LGSN: variants seen among roughly 807,000 people sequenced by gnomAD.
The protein encoded by LGSN is lengsin.
Under a neutral mutation model 19.5 loss-of-function variants are expected in LGSN, and 21 were observed. The ratio of observed to expected loss-of-function variants is 1.07; its 90% confidence interval spans 0.76 to 1.55. LGSN has a LOEUF of 1.55. Among genes scored for constraint, LGSN ranks in the 40% most tolerant of loss-of-function variants. The pLI is 0.00. For synonymous variants in LGSN, 257 were observed against 215.6 expected (o/e 1.19, Z -1.68); for missense variants, 673 against 608.5 (o/e 1.11, Z -1.12).
At chr6:63,566,270 G>C in the LGSN span, among the ~76,000 whole-genome samples, 1 of 152,234 alleles carries the variant, frequency 6.6e-6, no homozygotes, top group African/African-American at 2.4e-5. Flanking sequence ...GGAACTTGCA[G>C]GGTGTTGCAA....
the LGSN span, among the ~76,000 whole-genome samples, chr6:63,404,956 G>A: frequency 0.013 from 846 of 66,752 alleles, 13 homozygotes; most frequent in African/African-American, 0.05. Context: ...CCCTCCCCCC[G>A]CCCCCCACCC....
chr6:63,486,573 T>C, the LGSN span, among the ~76,000 whole-genome samples: 4 of 152,302 alleles, frequency 2.6e-5, no homozygotes, highest in South Asian at 8.3e-4. Context: ...CCCAGGCAGA[T>C]GCTGCACACA....
chr6:63,411,589 G>A, the LGSN span, among the ~76,000 whole-genome samples: 4 of 152,100 alleles, frequency 2.6e-5, no homozygotes, highest in Non-Finnish European at 5.9e-5. Context: ...CCTGTAATCC[G>A]AGTACTTTGG....
the LGSN span, among the ~76,000 whole-genome samples, chr6:63,463,688 C>G: frequency 1.4e-4 from 21 of 152,268 alleles, no homozygotes; most frequent in East Asian, 4.0e-3. Flanking sequence ...ACAGGTCATG[C>G]TTGTAGGTAC....
At chr6:63,548,484 G>T in the LGSN span, among the ~76,000 whole-genome samples, 1 of 152,152 alleles carries the variant, frequency 6.6e-6, no homozygotes, top group Non-Finnish European at 1.5e-5. Flanking sequence ...CAGTTTTCTT[G>T]TTTGTCTCCA....
At chr6:63,460,013 A>G in the LGSN span, among the ~76,000 whole-genome samples, 2 of 150,886 alleles carry the variant, frequency 1.3e-5, no homozygotes, top group Admixed American at 6.6e-5. Context: ...TCATTGTGCA[A>G]CAAACTTTGC....
chr6:63,417,181 A>G, the LGSN span, among the ~76,000 whole-genome samples: 1 of 152,134 alleles, frequency 6.6e-6, no homozygotes, highest in African/African-American at 2.4e-5. Context: ...TCTGTTTCCC[A>G]TTCCTATGAG....
chr6:63,313,665 A>G (rs1312686795), intron 1 of LGSN, among the ~76,000 whole-genome samples: 2 of 151,776 alleles, frequency 1.3e-5, no homozygotes, highest in African/African-American at 4.8e-5. Context: ...CAAGACCCCC[A>G]TCTCTACTAA....
At chr6:63,565,493 A>T in the LGSN span, among the ~76,000 whole-genome samples, 1 of 152,326 alleles carries the variant, frequency 6.6e-6, no homozygotes. Context: ...TTTACAGAGA[A>T]AATATTACCT....
chr6:63,309,159 G>A (rs1768524882), intron 1 of LGSN, among the ~76,000 whole-genome samples: 1 of 152,154 alleles, frequency 6.6e-6, no homozygotes, highest in African/African-American at 2.4e-5. Context: ...CTGGCCGGGC[G>A]CGGTGGCTCA....
chr6:63,535,111 TAGGTA>T, the LGSN span, among the ~76,000 whole-genome samples: 1 of 151,992 alleles, frequency 6.6e-6, no homozygotes, highest in East Asian at 1.9e-4. Context: ...AACAGTATTT[TAGGTA>T]ATAAAATACA....
the LGSN span, chr6:63,549,440 C>T: frequency 2.6e-6 from 2 of 771,454 alleles, no homozygotes; most frequent in Non-Finnish European, 4.6e-6. Flanking sequence ...ACTTTCTTAA[C>T]CTCCTGCTTC....
At chr6:63,524,018 G>C in the LGSN span, among the ~76,000 whole-genome samples, 1 of 151,490 alleles carries the variant, frequency 6.6e-6, no homozygotes, top group African/African-American at 2.4e-5. Flanking sequence ...GTCTTGCTCT[G>C]TCGCCCAGGC....
chr6:63,323,392 A>G (rs1769133776), upstream of LGSN, among the ~76,000 whole-genome samples: 1 of 151,708 alleles, frequency 6.6e-6, no homozygotes, highest in South Asian at 2.1e-4. Context: ...CACTCATCCC[A>G]CTCCACCCTT....
chr6:63,397,936 T>C, the LGSN span, among the ~76,000 whole-genome samples: 3 of 151,592 alleles, frequency 2.0e-5, no homozygotes, highest in African/African-American at 7.3e-5. Context: ...TAAAACTGTG[T>C]CTCAAGAAAA....
the LGSN span, among the ~76,000 whole-genome samples, chr6:63,508,655 G>T: frequency 6.6e-6 from 1 of 152,044 alleles, no homozygotes; most frequent in Admixed American, 6.6e-5. Flanking sequence ...GGTGGCTCAC[G>T]CCTATAATCC....
the LGSN span, among the ~76,000 whole-genome samples, chr6:63,507,295 C>T: frequency 4.3e-4 from 66 of 152,318 alleles, no homozygotes; most frequent in African/African-American, 1.4e-3. Context: ...GAAGGGGGCA[C>T]TTACTCCCCT....
the LGSN span, among the ~76,000 whole-genome samples, chr6:63,524,502 T>C: frequency 6.6e-6 from 1 of 152,256 alleles, no homozygotes; most frequent in South Asian, 2.1e-4. Flanking sequence ...GTAAAAGCAT[T>C]TTGAAAAATA....
the LGSN span, among the ~76,000 whole-genome samples, chr6:63,467,450 T>TA: frequency 1.3e-5 from 2 of 152,092 alleles, no homozygotes; most frequent in East Asian, 1.9e-4. Flanking sequence ...CTGGGTGGCT[T>TA]AAAAAAACAG....
Sources: allele counts gnomAD v4.1 joint callset (sites outside exome capture counted in the v4.1 genomes callset), GRCh38; gene constraint gnomAD v4.1.1; transcripts MANE v1.5; gene names NCBI Gene and HGNC (gene_info 2026-07-23, HGNC 2026-07-21).